Variants in HERC1 observed in about 807,000 individuals in gnomAD.
HERC1 encodes the protein probable E3 ubiquitin-protein ligase HERC1.
HERC1 carries 160 observed loss-of-function variants against 554.3 expected under a neutral mutation model. That is an observed-to-expected ratio of 0.29 (90% confidence interval 0.25 to 0.33). The LOEUF (loss-of-function observed/expected upper bound fraction) is 0.33. HERC1 is among the 10% of genes least tolerant of loss of function. The pLI is 1.00. For synonymous variants in HERC1, 2,175 were observed against 2,131.7 expected (o/e 1.02, Z -0.56); for missense variants, 4,919 against 5,918.5 (o/e 0.83, Z 5.54).
chr15:63,701,023 TG>T (rs35700740), intron 25 of HERC1, among the ~76,000 whole-genome samples: 2 of 151,724 alleles, frequency 1.3e-5, no homozygotes, highest in Admixed American at 6.6e-5. Flanking sequence ...ACTTGTTTTT[TG>T]GGGGGGTGTT....
At chr15:63,695,476 C>G (rs2072355505) in intron 27 of HERC1, among the ~76,000 whole-genome samples, 1 of 151,324 alleles carries the variant, frequency 6.6e-6, no homozygotes, top group African/African-American at 2.4e-5. Flanking sequence ...ACCTCCACCT[C>G]CCGGGTTCAA....
At chr15:63,784,889 G>C (rs2076393303) in intron 1 of HERC1, among the ~76,000 whole-genome samples, 1 of 152,212 alleles carries the variant, frequency 6.6e-6, no homozygotes, top group Non-Finnish European at 1.5e-5. Context: ...GGGATTACAG[G>C]CGTGAGCCTC....
At chr15:63,610,995 G>C (rs2067562735) in intron 77 of HERC1, among the ~76,000 whole-genome samples, 1 of 152,178 alleles carries the variant, frequency 6.6e-6, no homozygotes, top group Non-Finnish European at 1.5e-5. Context: ...GCAATGGTAG[G>C]GGCACTCCTG....
At chr15:63,689,087 A>G (rs1360381318) in intron 33 of HERC1, among the ~76,000 whole-genome samples, 1 of 152,264 alleles carries the variant, frequency 6.6e-6, no homozygotes, top group Non-Finnish European at 1.5e-5. Flanking sequence ...GCACCAAAAA[A>G]GAGTTGCTTT....
intron 65 of HERC1, among the ~76,000 whole-genome samples, chr15:63,635,405 T>C (rs999965259): frequency 6.6e-5 from 10 of 152,166 alleles, no homozygotes; most frequent in African/African-American, 2.4e-4. Context: ...CTGATCTGTC[T>C]CAACAGCCTC....
intron 1 of HERC1, among the ~76,000 whole-genome samples, chr15:63,828,437 T>C (rs1323885405): frequency 2.6e-5 from 4 of 152,070 alleles, no homozygotes; most frequent in African/African-American, 9.7e-5. Context: ...CCTCCCAGGT[T>C]CAAGTGATTC....
At chr15:63,768,383 G>A (rs1422887480) in intron 2 of HERC1, among the ~76,000 whole-genome samples, 1 of 152,206 alleles carries the variant, frequency 6.6e-6, no homozygotes, top group African/African-American at 2.4e-5. Context: ...CTCACACTTT[G>A]AGTAGTAAGG....
chr15:63,632,902 C>T, intron 67 of HERC1, 91 bp from the exon 68 acceptor site: 1 of 811,676 alleles, frequency 1.2e-6, no homozygotes, highest in African/African-American at 1.7e-5. Flanking sequence ...AACTACCTTC[C>T]AACAAAAATA....
Position 63,734,579 on chromosome 15 carries a change from C to CA in HERC1, c.2646+144dup. 2 of 568,530 alleles carry CA rather than the reference C, an allele frequency of 3.5e-6. No individual in the cohort carries two copies. The highest frequency in any genetic ancestry group is 5.8e-6 in the Non-Finnish European group (2 of 346,452). The allele number at this position is 568,530 out of a possible 1,614,324, so 35.2% of individuals were successfully genotyped here. A position where few individuals can be genotyped will look rare whatever the true frequency, so the allele number is the denominator to read the frequency against. On this transcript the variant is annotated intron_variant, in intron 13 of 77. Coordinates refer to ENST00000443617, the MANE Select transcript of HERC1 (RefSeq NM_003922.4). This position sits in a 1 kb window ranked among gnomAD's most constrained non-coding sequence, Gnocchi z 4.6. ...CTTGCTTCACCTAAGGTTGTTAAGACAACTGGGAATTCTTCCAGCACAACA... is the reference window on the plus strand; with the variant it reads ...CTTGCTTCACCTAAGGTTGTTAAGACAAACTGGGAATTCTTCCAGCACAACA...
At position 63,612,585 on chromosome 15, in the gene HERC1, T is replaced by A; in HGVS notation, c.14095-29A>T. On this transcript the variant is annotated intron_variant, in intron 76 of 77. Coordinates refer to ENST00000443617, the MANE Select transcript of HERC1 (RefSeq NM_003922.4). This position sits in a 1 kb window ranked among gnomAD's most constrained non-coding sequence, Gnocchi z 5.0. ...CTCCCGGGAGAGGTTGCTCATTCAATGAGTGTGCGTGAACCTGGCACCCAC... is the reference window on the plus strand; with the variant it reads ...CTCCCGGGAGAGGTTGCTCATTCAAAGAGTGTGCGTGAACCTGGCACCCAC... The A allele has an allele frequency of 1.9e-6, 3 of 1,593,916 alleles. No individual in the cohort carries two copies. Among genetic ancestry groups the A allele is most frequent in the Non-Finnish European group, 2.6e-6 (3 of 1,169,216 alleles).
intron 24 of HERC1, among the ~76,000 whole-genome samples, chr15:63,708,922 G>GTTC (rs2073151276): frequency 6.6e-6 from 1 of 152,128 alleles, no homozygotes; most frequent in South Asian, 2.1e-4. Flanking sequence ...TTTCTCTCTA[G>GTTC]TTCTTGTCTT....
chr15:63,656,038 T>A, intron 49 of HERC1, 50 bp downstream of exon 49: 1 of 1,600,734 alleles, frequency 6.2e-7, no homozygotes, highest in Non-Finnish European at 8.5e-7. Context: ...GGCTCAAGAA[T>A]CAGTCAGAAA....
At chr15:63,716,634 AT>A (rs2073567384) in intron 21 of HERC1, among the ~76,000 whole-genome samples, 161 bp from the exon 22 acceptor site, 2 of 152,346 alleles carry the variant, frequency 1.3e-5, no homozygotes, top group South Asian at 4.1e-4. Flanking sequence ...GATAAATCTT[AT>A]AGAAATAATG....
chr15:63,699,118 AT>A (rs1381526057), intron 25 of HERC1, 122 bp from the exon 26 acceptor site: 1 of 822,826 alleles, frequency 1.2e-6, no homozygotes, highest in African/African-American at 1.7e-5. Context: ...TCATGTTTGA[AT>A]ACGCGCATGC....
intron 1 of HERC1, among the ~76,000 whole-genome samples, chr15:63,823,927 G>A (rs1030339353): frequency 1.1e-4 from 16 of 152,268 alleles, no homozygotes; most frequent in East Asian, 3.9e-4. Flanking sequence ...TCCAAAATGC[G>A]TAAGGAACTC....
intron 74 of HERC1, among the ~76,000 whole-genome samples, chr15:63,619,157 T>A (rs1252646865): frequency 6.6e-6 from 1 of 152,218 alleles, no homozygotes; most frequent in East Asian, 1.9e-4. Context: ...CTTACTATTT[T>A]GAGATATGTC....
intron 76 of HERC1, among the ~76,000 whole-genome samples, chr15:63,614,481 TG>T (rs1269391317): frequency 6.6e-6 from 1 of 152,216 alleles, no homozygotes; most frequent in East Asian, 1.9e-4. Flanking sequence ...TCCCTGGCTG[TG>T]TAAATAGCAT....
chr15:63,655,604 G>A, intron 50 of HERC1, 138 bp downstream of exon 50: 1 of 610,954 alleles, frequency 1.6e-6, no homozygotes, highest in East Asian at 2.8e-5. Context: ...CAGTGAAAAA[G>A]TATCTATGCA....
chr15:63,627,544 C>T (rs1007893928), intron 70 of HERC1, among the ~76,000 whole-genome samples: 2 of 152,106 alleles, frequency 1.3e-5, no homozygotes, highest in African/African-American at 4.8e-5. Flanking sequence ...CGTGGTGGCA[C>T]ATGCCTGTAA....
Sources: gnomAD v4.1 joint callset for allele counts (sites outside exome capture counted in the v4.1 genomes callset) on GRCh38, gnomAD v4.1.1 for gene constraint, Gnocchi (gnomAD v3.1) non-coding constraint, MANE v1.5 for transcripts, NCBI Gene and HGNC (gene_info 2026-07-23, HGNC 2026-07-21) for gene names.